Variants in DLG1 observed in about 807,000 individuals in gnomAD.
DLG1 encodes disks large homolog 1.
A neutral mutation model predicts 123.4 loss-of-function variants in DLG1; 42 were observed. The observed-to-expected ratio is 0.34, with a 90% CI of 0.27 to 0.44. The LOEUF is 0.44. DLG1 is among the 20% of genes least tolerant of loss of function. The pLI is 1.00. For synonymous variants in DLG1, 317 were observed against 356.2 expected, an observed-to-expected ratio of 0.89 and a Z score of 1.24; for missense variants, 942 against 1,082.6, an observed-to-expected ratio of 0.87 and a Z score of 1.82.
At chr3:197,059,767 G>T in intron 23 of DLG1, 122 bp downstream of exon 23, 1 of 639,270 alleles carries the variant, frequency 1.6e-6, no homozygotes, top group Non-Finnish European at 2.7e-6. Flanking sequence ...AATCTGAGGT[G>T]AATAAACATA....
At chr3:197,200,382 A>T (rs1261407494) in intron 4 of DLG1, among the ~76,000 whole-genome samples, 26 of 152,192 alleles carry the variant, frequency 1.7e-4, no homozygotes, top group Non-Finnish European at 1.5e-5. Context: ...AATATACTTC[A>T]TTTTAAGAAA....
Position 197,065,941 on chromosome 3 carries a change from C to T in DLG1, c.2099-132G>A, listed in dbSNP as rs572190984. The T allele has an allele frequency of 7.1e-6, 4 of 563,778 alleles. No homozygotes were observed. The Admixed American group carries it at 1.4e-4, about 20-fold the overall frequency. 34.9% of individuals were successfully genotyped at this position (563,778 alleles called of 1,614,324 possible). A position where few individuals can be genotyped will look rare whatever the true frequency, so the allele number is the denominator to read the frequency against. Reference sequence around the variant, plus strand: ...TTCTTCCCTCTCCATCTCACTCTACCATCAACCAAAGATGCGTAACTTGCT... The same window carrying T: ...TTCTTCCCTCTCCATCTCACTCTACTATCAACCAAAGATGCGTAACTTGCT... On this transcript the variant is annotated intron_variant, in intron 20 of 24. Coordinates refer to ENST00000667157, the MANE Select transcript of DLG1 (RefSeq NM_001366207.1).
At chr3:197,141,163 T>C (rs1372508408) in intron 7 of DLG1, among the ~76,000 whole-genome samples, 2 of 152,238 alleles carry the variant, frequency 1.3e-5, no homozygotes, top group African/African-American at 2.4e-5. Context: ...ACACCCACTC[T>C]ACCACCATTT....
intron 6 of DLG1, among the ~76,000 whole-genome samples, chr3:197,148,097 C>T (rs1267813187): frequency 5.3e-5 from 8 of 151,400 alleles, no homozygotes; most frequent in African/African-American, 1.9e-4. Context: ...TTTATAACAG[C>T]ATCGTAAGAA....
At chr3:197,132,391 T>C (rs544530649) in intron 10 of DLG1, among the ~76,000 whole-genome samples, 1 of 152,352 alleles carries the variant, frequency 6.6e-6, no homozygotes, top group East Asian at 1.9e-4. Flanking sequence ...CACTTTTTCC[T>C]AATTTGTACC....
At chr3:197,233,056 T>C (rs1045585657) in intron 4 of DLG1, among the ~76,000 whole-genome samples, 2 of 152,038 alleles carry the variant, frequency 1.3e-5, no homozygotes, top group African/African-American at 4.8e-5. Context: ...TTACAAAATA[T>C]GTAGAAAATC....
At chr3:197,059,251 A>G (rs1734116793) in intron 23 of DLG1, among the ~76,000 whole-genome samples, 1 of 152,150 alleles carries the variant, frequency 6.6e-6, no homozygotes, top group Admixed American at 6.5e-5. Flanking sequence ...AAGCTAAGTA[A>G]TACTTCTTGC....
chr3:197,138,306 C>G lies in DLG1; in HGVS notation c.799G>C (p.Gly267Arg). The change falls in exon 9 of 25, where the codon GGG becomes CGG. Residue 267 changes from glycine (G) to arginine (R), a missense_variant. Coordinates refer to ENST00000667157, the MANE Select transcript of DLG1 (RefSeq NM_001366207.1). ...SKAVEALKEA[G>R]SIVRLYVKRR... ...TTTACATACAAGCGTACAATAGACC[C>G]TGCTTCTTTCAACGCTTCAACTGCT... The G allele has an allele frequency of 1.9e-6, 3 of 1,603,668 alleles. No individual in the cohort carries two copies. The highest frequency in any genetic ancestry group is 8.5e-7 in the Non-Finnish European group (1 of 1,173,090).
intron 4 of DLG1, among the ~76,000 whole-genome samples, chr3:197,275,025 A>G (rs1273401759): frequency 6.6e-6 from 1 of 152,132 alleles, no homozygotes; most frequent in Non-Finnish European, 1.5e-5. Flanking sequence ...TCTACTAAAA[A>G]TATTTAAAAA....
intron 13 of DLG1, among the ~76,000 whole-genome samples, chr3:197,106,424 C>CG (rs1766429793): frequency 6.7e-6 from 1 of 148,792 alleles, no homozygotes; most frequent in Non-Finnish European, 1.5e-5. Flanking sequence ...CAGCCCCCCC[C>CG]ACCCCCCTCA....
intron 4 of DLG1, among the ~76,000 whole-genome samples, chr3:197,260,846 A>G (rs372457659): frequency 6.6e-6 from 1 of 151,022 alleles, no homozygotes; most frequent in Non-Finnish European, 1.5e-5. Context: ...TGCAGCCTGC[A>G]AAGTAATGAC....
intron 11 of DLG1, among the ~76,000 whole-genome samples, chr3:197,129,721 T>C (rs950297581): frequency 8.5e-5 from 13 of 152,298 alleles, no homozygotes; most frequent in East Asian, 5.8e-4. Flanking sequence ...TCAGAGGTCA[T>C]TGTAGATTTA....
At chr3:197,086,757 T>G (rs1235334061) in intron 15 of DLG1, among the ~76,000 whole-genome samples, 1 of 151,870 alleles carries the variant, frequency 6.6e-6, no homozygotes, top group Non-Finnish European at 1.5e-5. Context: ...AAACATACAT[T>G]CAAACATAGA....
intron 5 of DLG1, among the ~76,000 whole-genome samples, chr3:197,158,937 C>T (rs9845740): frequency 0.13 from 19,789 of 152,104 alleles, 1,808 homozygotes; most frequent in African/African-American, 0.25. Flanking sequence ...AGTTTTAAAG[C>T]AGAGTATTTA....
At chr3:197,132,400 C>T (rs996133693) in intron 10 of DLG1, among the ~76,000 whole-genome samples, 6 of 151,764 alleles carry the variant, frequency 4.0e-5, no homozygotes, top group African/African-American at 1.5e-4. Flanking sequence ...CTAATTTGTA[C>T]CTTTATAGTT....
intron 15 of DLG1, among the ~76,000 whole-genome samples, chr3:197,088,761 T>C (rs1045048165): frequency 1.3e-5 from 2 of 152,158 alleles, no homozygotes; most frequent in Admixed American, 6.5e-5. Context: ...TACTGGAAGA[T>C]ACAGAAAGAT....
intron 14 of DLG1, among the ~76,000 whole-genome samples, chr3:197,096,657 T>C (rs1016474592): frequency 2.0e-5 from 3 of 152,246 alleles, no homozygotes; most frequent in African/African-American, 7.2e-5. Context: ...ATGTCTCTTT[T>C]AGTCAAATTT....
chr3:197,137,233 T>C (rs950146023), intron 9 of DLG1, among the ~76,000 whole-genome samples: 8 of 152,218 alleles, frequency 5.3e-5, no homozygotes, highest in African/African-American at 1.9e-4. Flanking sequence ...CCCTCTTCCA[T>C]GAAGCCACAT....
At chr3:197,169,711 G>A (rs1480635399) in intron 5 of DLG1, among the ~76,000 whole-genome samples, 2 of 152,078 alleles carry the variant, frequency 1.3e-5, no homozygotes, top group South Asian at 2.1e-4. Flanking sequence ...TATGAAGGGG[G>A]TAAACTGACC....
Sources: gnomAD v4.1 joint callset for allele counts (sites outside exome capture counted in the v4.1 genomes callset) on GRCh38, gnomAD v4.1.1 for gene constraint, MANE v1.5 for transcripts, NCBI Gene and HGNC (gene_info 2026-07-23, HGNC 2026-07-21) for gene names.